Variants in MAFG observed in about 807,000 individuals in gnomAD.
The protein encoded by MAFG is transcription factor MafG.
In MAFG, 3 loss-of-function variants were observed where a neutral mutation model predicts 12.2. The observed-to-expected ratio is 0.25, with a 90% CI of 0.11 to 0.64. The LOEUF (loss-of-function observed/expected upper bound fraction) is 0.64. MAFG is among the 30% of genes least tolerant of loss of function. The pLI, the probability that MAFG is intolerant of heterozygous loss-of-function variation, is 0.85. For missense variants in MAFG, 153 were observed against 235.5 expected, an observed-to-expected ratio of 0.65 and a Z score of 2.29; for synonymous variants, 126 against 109.1, an observed-to-expected ratio of 1.15 and a Z score of -0.96.
rs371088168 is a variant in MAFG at position 81,925,122 on chromosome 17, G to A, written c.-29-1908C>T. ...GAGAGGGACCATGCAGGGATCCCAG[G>A]AGCTGGACTGAGGAGAAGCTGCCCC... On this transcript the variant is annotated intron_variant, in intron 1 of 2. Coordinates refer to ENST00000357736, the MANE Select transcript of MAFG (RefSeq NM_002359.4). 1.4e-3 allele frequency among the ~76,000 whole-genome samples: 209 copies of A among 152,356 alleles called. 2 individuals are homozygous for A. Among genetic ancestry groups the A allele is most frequent in the African/African-American group, 4.3e-3 (179 of 41,592 alleles).
upstream of MAFG, chr17:81,929,832 G>C (rs2040970694): frequency 1.3e-5 from 2 of 149,904 alleles, no homozygotes; most frequent in Non-Finnish European, 2.9e-5. This position sits in a 1 kb window ranked among gnomAD's most constrained non-coding sequence, Gnocchi z 5.7. Flanking sequence ...CCTCCCGCAG[G>C]CACCTCCCGG....
chr17:81,925,245 A>G (rs1187460138), intron 1 of MAFG, among the ~76,000 whole-genome samples: 1 of 152,190 alleles, frequency 6.6e-6, no homozygotes, highest in Non-Finnish European at 1.5e-5. Flanking sequence ...GGAGGCACAG[A>G]TGGTCACGGC....
chr17:81,919,462 C>T lies in MAFG; in HGVS notation c.*3143G>A, dbSNP rs2040865731. On this transcript the variant is annotated 3_prime_UTR_variant, in exon 3 of 3. Coordinates refer to ENST00000357736, the MANE Select transcript of MAFG (RefSeq NM_002359.4). ...CCGAGCAGCAGCCAGGGGCCTCACT[C>T]TCCTGGTGAGAGCTGACCTGTCCCT... is the stretch of plus-strand genomic sequence containing the variant. 6.6e-6 allele frequency: 1 copy of T among 152,372 alleles called. No homozygotes were observed. Among genetic ancestry groups the T allele is most frequent in the Non-Finnish European group, 1.5e-5 (1 of 68,122 alleles). 9.4% of individuals were successfully genotyped at this position (152,372 alleles called of 1,614,324 possible).
In MAFG at chr17:81,922,772, G is replaced by A; in HGVS notation, c.322C>T (p.Arg108Cys). The change falls in exon 3 of 3, where the codon CGC becomes TGC. Residue 108 changes from arginine (R) to cysteine (C), a missense_variant. Coordinates refer to ENST00000357736, the MANE Select transcript of MAFG (RefSeq NM_002359.4). ...GTCTGCAGCGCCTCGTACTTGGAGC[G>A]CAGCGCGTCGAGCTCCAGCTTCATG... ...ASMKLELDAL[R>C]SKYEALQTFA... The A allele has an allele frequency of 6.3e-7, 1 of 1,596,414 alleles. No homozygotes were observed. The highest frequency in any genetic ancestry group is 8.5e-7 in the Non-Finnish European group (1 of 1,171,544).
rs2040853204 is a variant in MAFG, at chr17:81,918,570, C to T, written c.*4035G>A. The stretch of plus-strand genomic sequence containing the variant: ...ACCTCCATCCCACCCCAGCAGATCC[C>T]GGGGTCTTCTCCCACACACACAACC... On this transcript the variant is annotated 3_prime_UTR_variant, in exon 3 of 3. Coordinates refer to ENST00000357736, the MANE Select transcript of MAFG (RefSeq NM_002359.4). 6.5e-6 allele frequency: 1 copy of T among 154,454 alleles called. No homozygotes were observed. The highest frequency in any genetic ancestry group is 2.4e-5 in the African/African-American group (1 of 41,480). 9.6% of individuals were successfully genotyped at this position (154,454 alleles called of 1,614,324 possible). A position where few individuals can be genotyped will look rare whatever the true frequency, so the allele number is the denominator to read the frequency against.
In MAFG at chr17:81,920,917, C is replaced by T. The variant is rs1337792961; in HGVS notation, c.*1688G>A. ...AAGCACCACCCGCAGCATGGAAACA[C>T]CTCAGGGATCAAGCGGGCGGCGAGA... On this transcript the variant is annotated 3_prime_UTR_variant, in exon 3 of 3. Transcript: ENST00000357736. The T allele has an allele frequency of 2.6e-5, 4 of 152,476 alleles. No individual in the cohort carries two copies. Among genetic ancestry groups the T allele is most frequent in the African/African-American group, 9.6e-5 (4 of 41,470 alleles). 9.4% of individuals were successfully genotyped at this position (152,476 alleles called of 1,614,324 possible). A position where few individuals can be genotyped will look rare whatever the true frequency, so the allele number is the denominator to read the frequency against.
In MAFG at chr17:81,922,877, C is replaced by A; in HGVS notation, c.217G>T (p.Val73Leu). The A allele has an allele frequency of 6.2e-7, 1 of 1,611,684 alleles. No homozygotes were observed. Among genetic ancestry groups the A allele is most frequent in the East Asian group, 2.2e-5 (1 of 44,838 alleles). The change falls in exon 3 of 3, where the codon GTG (valine) becomes TTG (leucine). Residue 73 changes from valine to leucine, a missense_variant. Physicochemically the swap from Val to Leu is conservative, Grantham distance 32. Around this residue, in one of 3 missense-constraint regions of MAFG, gnomAD observed 29 missense variants for 75.3 expected, o/e 0.39. Transcript: ENST00000357736. ...GYAASCRVKR[V>L]TQKEELEKQK... ...TTCTCCAGCTCCTCCTTCTGCGTCACCCGCTTCACGCGGCAGCTGGCAGCG... is the reference window on the plus strand; with the variant it reads ...TTCTCCAGCTCCTCCTTCTGCGTCAACCGCTTCACGCGGCAGCTGGCAGCG...
At position 81,921,773 on chromosome 17, in the gene MAFG, CTTGT is replaced by C. The variant is rs1461453918; in HGVS notation, c.*828_*831del. ...TTCATATGGTCAAATGGTCTTCTTG[CTTGT>C]TTTTTTTCTAAAAGACAGTTTTATA... On this transcript the variant is annotated 3_prime_UTR_variant, in exon 3 of 3. Coordinates refer to ENST00000357736, the MANE Select transcript of MAFG (RefSeq NM_002359.4). 2.7e-5 allele frequency: 4 copies of C among 150,788 alleles called. No individual in the cohort carries two copies. Among genetic ancestry groups the C allele is most frequent in the East Asian group, 1.9e-4 (1 of 5,178 alleles). The allele number at this position is 150,788 out of a possible 1,614,324, so 9.3% of individuals were successfully genotyped here. A position where few individuals can be genotyped will look rare whatever the true frequency, so the allele number is the denominator to read the frequency against.
At position 81,922,145 on chromosome 17, in the gene MAFG, T is replaced by G. The variant is rs910850286; in HGVS notation, c.*460A>C. 6.5e-6 allele frequency: 1 copy of G among 152,766 alleles called. No individual in the cohort carries two copies. Among genetic ancestry groups the G allele is most frequent in the African/African-American group, 2.4e-5 (1 of 41,444 alleles). 9.5% of individuals were successfully genotyped at this position (152,766 alleles called of 1,614,324 possible). A position where few individuals can be genotyped will look rare whatever the true frequency, so the allele number is the denominator to read the frequency against. ...CAGAGCCCATCTCTTCATGCTGGGCTAAGCTGAGCTGCTCCCCTGGGGCTA... is the reference window on the plus strand; with the variant it reads ...CAGAGCCCATCTCTTCATGCTGGGCGAAGCTGAGCTGCTCCCCTGGGGCTA... On this transcript the variant is annotated 3_prime_UTR_variant, in exon 3 of 3. Coordinates refer to ENST00000357736, the MANE Select transcript of MAFG (RefSeq NM_002359.4).
rs375256744 is a variant in MAFG at position 81,922,647 on chromosome 17, G to A, written c.447C>T (p.Ser149=). 18 of 1,503,132 alleles carry A rather than the reference G, an allele frequency of 1.2e-5. No individual in the cohort carries two copies. Among genetic ancestry groups the A allele is most frequent in the Middle Eastern group, 3.6e-4 (2 of 5,596 alleles). The allele number at this position is 1,503,132 out of a possible 1,614,324, so 93.1% of individuals were successfully genotyped here. ...PLVPGKVAAT[S]VITIVKSKTD... ...TCTTGGACTTTACTATTGTGATGAC[G>A]CTGGTGGCGGCCACCTTGCCTGGGA... Residue 149 remains serine (S), a synonymous_variant, in exon 3 of 3, where the codon AGC becomes AGT. Transcript: ENST00000357736.
chr17:81,923,265 C>CT lies in MAFG; in HGVS notation c.-29-52_-29-51insA, dbSNP rs1013285172. The CT allele has an allele frequency of 4.7e-5, 42 of 884,382 alleles. 1 individual carries two copies. Among genetic ancestry groups the CT allele is most frequent in the Non-Finnish European group, 5.9e-5 (40 of 673,666 alleles). The allele number at this position is 884,382 out of a possible 1,614,324, so 54.8% of individuals were successfully genotyped here. A position where few individuals can be genotyped will look rare whatever the true frequency, so the allele number is the denominator to read the frequency against. On this transcript the variant is annotated intron_variant, in intron 1 of 2. Coordinates refer to ENST00000357736, the MANE Select transcript of MAFG (RefSeq NM_002359.4). ...CCCTGGAGACCACCCTCGCCGCACC[C>CT]CCCCCCCCCCGCCCCCGGCCCAGTT...
chr17:81,928,953 A>G (rs1042152332), upstream of MAFG, among the ~76,000 whole-genome samples: 1 of 152,128 alleles, frequency 6.6e-6, no homozygotes, highest in African/African-American at 2.4e-5. The surrounding 1 kb of genome is among the most constrained non-coding windows in gnomAD (Gnocchi z 8.1). Flanking sequence ...CTAGGTCCAC[A>G]CAGCGGGGAC....
At chr17:81,925,526 A>G (rs1346273587) in intron 1 of MAFG, among the ~76,000 whole-genome samples, 1 of 152,086 alleles carries the variant, frequency 6.6e-6, no homozygotes, top group Non-Finnish European at 1.5e-5. Flanking sequence ...ATGTACATAA[A>G]TGGGCCGCGC....
chr17:81,923,281 C>T lies in MAFG; in HGVS notation c.-29-67G>A, dbSNP rs912555782. On this transcript the variant is annotated intron_variant, in intron 1 of 2. Transcript: ENST00000357736. ...CGCCGCACCCCCCCCCCCCCGCCCC[C>T]GGCCCAGTTCACAAGAGCCCTTGCC... 1.2e-4 allele frequency: 112 copies of T among 960,480 alleles called. 5 individuals carry two copies. In the South Asian group the frequency reaches 1.8e-3, roughly 15 times the overall value. 59.5% of individuals were successfully genotyped at this position (960,480 alleles called of 1,614,324 possible).
In MAFG at chr17:81,927,734, A is replaced by G. The variant is rs1054910095; in HGVS notation, c.-236T>C. The G allele has an allele frequency of 2.0e-5, 3 of 152,344 alleles. No homozygotes were observed. Among genetic ancestry groups the G allele is most frequent in the African/African-American group, 7.3e-5 (3 of 41,378 alleles). 9.4% of individuals were successfully genotyped at this position (152,344 alleles called of 1,614,324 possible). A position where few individuals can be genotyped will look rare whatever the true frequency, so the allele number is the denominator to read the frequency against. ...GCCGCCGCCGCTCCACAGACGTCAC[A>G]TGATGTTTGGTCACGTGGGCTCCAT... On this transcript the variant is annotated 5_prime_UTR_variant, in exon 1 of 3. The change abolishes an upstream ATG in the 5' untranslated region. Coordinates refer to ENST00000357736, the MANE Select transcript of MAFG (RefSeq NM_002359.4).
At chr17:81,923,111 C>A (rs759226073) in intron 2 of MAFG, 39 bp downstream of exon 2, 1 of 1,611,550 alleles carries the variant, frequency 6.2e-7, no homozygotes, top group Admixed American at 1.7e-5. Flanking sequence ...ACTGTGCCCC[C>A]CGACCCCAGC....
Position 81,922,767 on chromosome 17 carries a change from G to A in MAFG, c.327C>T (p.Ser109=), listed in dbSNP as rs1164429044. ...SMKLELDALR[S]KYEALQTFAR... is the part of the protein sequence containing the mutation. ...CGAAGGTCTGCAGCGCCTCGTACTT[G>A]GAGCGCAGCGCGTCGAGCTCCAGCT... The change falls in exon 3 of 3, where the codon TCC becomes TCT. Residue 109 remains serine (S), a synonymous_variant. Transcript: ENST00000357736. 2 of 1,595,384 alleles carry A rather than the reference G, an allele frequency of 1.3e-6. No homozygotes were observed. Among genetic ancestry groups the A allele is most frequent in the East Asian group, 2.3e-5 (1 of 44,104 alleles).
chr17:81,928,642 T>C (rs1041365692), upstream of MAFG, among the ~76,000 whole-genome samples: 1 of 152,124 alleles, frequency 6.6e-6, no homozygotes, highest in Non-Finnish European at 1.5e-5. This position sits in a 1 kb window ranked among gnomAD's most constrained non-coding sequence, Gnocchi z 8.1. Context: ...CTGCGTGTGG[T>C]TCTTACGGTG....
chr17:81,927,377 C>G (rs1280497617), intron 1 of MAFG, among the ~76,000 whole-genome samples, 151 bp downstream of exon 1: 3 of 150,700 alleles, frequency 2.0e-5, no homozygotes, highest in African/African-American at 7.3e-5. Flanking sequence ...CAGCAGGGTG[C>G]GCGGCAGACC....
Sources: gnomAD v4.1 joint callset for allele counts (sites outside exome capture counted in the v4.1 genomes callset) on GRCh38, gnomAD v4.1.1 for gene constraint, gnomAD v4.1.1 regional missense constraint, Gnocchi (gnomAD v3.1) non-coding constraint, MANE v1.5 for transcripts, NCBI Gene and HGNC (gene_info 2026-07-23, HGNC 2026-07-21) for gene names.